Variants in FAM240A observed in about 807,000 individuals in gnomAD.
The protein encoded by FAM240A is family with sequence similarity 240 member A, also known as protein FAM240A.
FAM240A carries 8 observed loss-of-function variants against 7.3 expected under a neutral mutation model. The ratio of observed to expected loss-of-function variants is 1.09; its 90% CI spans 0.64 to 1.97. The LOEUF (loss-of-function observed/expected upper bound fraction) is 1.97, where lower values mean the gene tolerates loss of function less well. FAM240A is among the 30% of genes most tolerant of loss of function. The pLI, the probability that FAM240A is intolerant of heterozygous loss-of-function variation, is 0.00. For synonymous variants in FAM240A, 32 were observed against 35.9 expected, an observed-to-expected ratio of 0.89 and a Z score of 0.38; for missense variants, 90 against 102.2, an observed-to-expected ratio of 0.88 and a Z score of 0.52.
intron 1 of FAM240A, among the ~76,000 whole-genome samples, chr3:46,615,687 G>C (rs965213618): frequency 1.3e-5 from 2 of 152,168 alleles, no homozygotes; most frequent in Non-Finnish European, 2.9e-5. Context: ...TTCTGCAGGG[G>C]TTCCCACCAG....
chr3:46,615,731 C>T (rs983811646), intron 1 of FAM240A, among the ~76,000 whole-genome samples: 2 of 152,196 alleles, frequency 1.3e-5, no homozygotes, highest in African/African-American at 2.4e-5. Flanking sequence ...TGCTTTTGAG[C>T]TTTCTACTAT....
At chr3:46,624,550 G>A (rs934521408) in intron 2 of FAM240A, among the ~76,000 whole-genome samples, 2 of 152,090 alleles carry the variant, frequency 1.3e-5, no homozygotes, top group Admixed American at 6.6e-5. Flanking sequence ...GATTACAGGA[G>A]TGAGCCACTG....
At chr3:46,616,786 CT>C (rs1697634920) in intron 1 of FAM240A, among the ~76,000 whole-genome samples, 1 of 151,766 alleles carries the variant, frequency 6.6e-6, no homozygotes, top group Non-Finnish European at 1.5e-5. Flanking sequence ...GACTCCATAT[CT>C]TTGCAATTGT....
chr3:46,612,697 C>G lies in FAM240A; in HGVS notation c.14C>G (p.Ser5Cys). The change falls in exon 1 of 3, where the codon TCT becomes TGT. Residue 5 changes from serine (S) to cysteine (C), a missense_variant and splice_region_variant. Physicochemically the swap from Ser to Cys is moderately radical, Grantham distance 112 (BLOSUM62 -1). Transcript: ENST00000640551. ...TCACATCCCTTCATGCGGTTGTTCTCTGTAAGTGTTAATTAATTTGTTGAT... is the reference window on the plus strand; with the variant it reads ...TCACATCCCTTCATGCGGTTGTTCTGTGTAAGTGTTAATTAATTTGTTGAT... MRLF[S>C]GMNNQYTRRE... The G allele has an allele frequency of 6.5e-7, 1 of 1,535,060 alleles. No individual in the cohort carries two copies. Among genetic ancestry groups the G allele is most frequent in the Non-Finnish European group, 8.7e-7 (1 of 1,145,920 alleles).
intron 2 of FAM240A, among the ~76,000 whole-genome samples, chr3:46,618,555 A>G (rs771917226): frequency 1.3e-4 from 20 of 152,166 alleles, no homozygotes; most frequent in Non-Finnish European, 2.5e-4. Context: ...AAATATATAC[A>G]TGCGGCCGGG....
rs1446592979 is a variant in FAM240A, at chr3:46,625,121, T to G, written c.162-7T>G. On this transcript the variant is annotated splice_region_variant and splice_polypyrimidine_tract_variant and intron_variant, in intron 2 of 2. Coordinates refer to ENST00000640551, the MANE Select transcript of FAM240A (RefSeq NM_001195442.2). ...GCTCCATCTGTGTGTTTGGTTTCTA[T>G]TTTCAGGCTCAGAGAAGAATGGAAG... 7 of 1,533,136 alleles carry G rather than the reference T, an allele frequency of 4.6e-6. No individual in the cohort carries two copies. Among genetic ancestry groups the G allele is most frequent in the Non-Finnish European group, 6.1e-6 (7 of 1,144,538 alleles). The allele number at this position is 1,533,136 out of a possible 1,614,324, so 95.0% of individuals were successfully genotyped here.
At chr3:46,615,846 G>GCACACACACA (rs201281577) in intron 1 of FAM240A, among the ~76,000 whole-genome samples, 7 of 148,736 alleles carry the variant, frequency 4.7e-5, no homozygotes, top group South Asian at 2.2e-4. Flanking sequence ...CCACATGTGT[G>GCACACACACA]CACGCACACA....
Position 46,618,880 on chromosome 3 carries a change from TATAC to T in FAM240A, c.161+1554_161+1557del, listed in dbSNP as rs767191791. Among the ~76,000 whole-genome samples the T allele has an allele frequency of 6.9e-3, 574 of 83,058 alleles. 5 individuals carry two copies. The highest frequency in any genetic ancestry group is 8.9e-3 in the African/African-American group (227 of 25,382). The allele number at this position is 83,058 out of a possible 152,430, so 54.5% of individuals were successfully genotyped here. A position where few individuals can be genotyped will look rare whatever the true frequency, so the allele number is the denominator to read the frequency against. Reference sequence around the variant, plus strand: ...ATATATATATATGTATATATATATATATACACACACACACACACACACACACACA... The same window carrying T: ...ATATATATATATGTATATATATATATACACACACACACACACACACACACA... On this transcript the variant is annotated intron_variant, in intron 2 of 2. Transcript: ENST00000640551.
Position 46,626,064 on chromosome 3 carries a change from A to G in FAM240A, c.*846A>G, listed in dbSNP as rs1266798356. On this transcript the variant is annotated 3_prime_UTR_variant, in exon 3 of 3. Coordinates refer to ENST00000640551, the MANE Select transcript of FAM240A (RefSeq NM_001195442.2). ...GCAAACTGTAACTGGGCCTGAGGCA[A>G]TTATTTTAACCAAGGGAAGGGAGAA... 1.3e-5 allele frequency: 2 copies of G among 152,190 alleles called. No homozygotes were observed. Among genetic ancestry groups the G allele is most frequent in the Non-Finnish European group, 2.9e-5 (2 of 68,044 alleles). 9.4% of individuals were successfully genotyped at this position (152,190 alleles called of 1,614,324 possible).
chr3:46,617,381 C>T (rs867246143), intron 2 of FAM240A, 53 bp downstream of exon 2: 16 of 1,450,810 alleles, frequency 1.1e-5, no homozygotes, highest in Admixed American at 2.4e-5. Context: ...TAAAATACAT[C>T]GTATAATTTA....
At chr3:46,624,963 T>TTATATATATATATATATATA (rs10539495) in intron 2 of FAM240A, among the ~76,000 whole-genome samples, 165 bp from the exon 3 acceptor site, 12 of 146,626 alleles carry the variant, frequency 8.2e-5, no homozygotes, top group Admixed American at 4.1e-4. Flanking sequence ...TATGAATAAA[T>TTATATATATATATATATATA]TATATATATA....
intron 2 of FAM240A, among the ~76,000 whole-genome samples, chr3:46,620,314 A>G (rs749442593): frequency 1.0e-4 from 12 of 118,440 alleles, no homozygotes; most frequent in Non-Finnish European, 1.6e-4. Context: ...CCCCTCCCCC[A>G]TGACTCCAGG....
chr3:46,622,396 G>A (rs953924192), intron 2 of FAM240A, among the ~76,000 whole-genome samples: 56 of 152,120 alleles, frequency 3.7e-4, no homozygotes, highest in African/African-American at 1.2e-3. Context: ...GTGAGCCACC[G>A]CGCCCGGCTG....
chr3:46,619,155 A>G (rs1239636812), intron 2 of FAM240A, among the ~76,000 whole-genome samples: 1 of 152,128 alleles, frequency 6.6e-6, no homozygotes, highest in African/African-American at 2.4e-5. Flanking sequence ...AGGATCTAAT[A>G]GGGCAGCAGC....
chr3:46,612,725 T>A lies in FAM240A; in HGVS notation c.15+27T>A. ...TAAGTGTTAATTAATTTGTTGATTT[T>A]GTGAAGTAAAATTCCTAATGGTTAT... On this transcript the variant is annotated intron_variant, in intron 1 of 2. Coordinates refer to ENST00000640551, the MANE Select transcript of FAM240A (RefSeq NM_001195442.2). 3 of 1,525,786 alleles carry A rather than the reference T, an allele frequency of 2.0e-6. No homozygotes were observed. In the African/African-American group the frequency reaches 4.1e-5, roughly 21 times the overall value. 94.5% of individuals were successfully genotyped at this position (1,525,786 alleles called of 1,614,324 possible).
chr3:46,620,151 G>A (rs762710755), intron 2 of FAM240A, among the ~76,000 whole-genome samples: 1 of 151,398 alleles, frequency 6.6e-6, no homozygotes, highest in Non-Finnish European at 1.5e-5. Flanking sequence ...TCCTTGAATC[G>A]CCAGTCCTTC....
At chr3:46,615,471 C>T (rs1697617187) in intron 1 of FAM240A, among the ~76,000 whole-genome samples, 1 of 152,172 alleles carries the variant, frequency 6.6e-6, no homozygotes, top group Non-Finnish European at 1.5e-5. Flanking sequence ...GTCCTGGTCA[C>T]AGCATCGCTC....
At chr3:46,619,947 TAAG>T (rs1253974806) in intron 2 of FAM240A, among the ~76,000 whole-genome samples, 1 of 152,140 alleles carries the variant, frequency 6.6e-6, no homozygotes, top group African/African-American at 2.4e-5. Flanking sequence ...GAACATATAA[TAAG>T]AAGTGCTCAA....
intron 1 of FAM240A, among the ~76,000 whole-genome samples, chr3:46,616,648 A>G (rs1697631233): frequency 6.6e-6 from 1 of 151,580 alleles, no homozygotes. Flanking sequence ...GTTGCTGCAA[A>G]AGACATTATT....
Sources: allele counts gnomAD v4.1 joint callset (sites outside exome capture counted in the v4.1 genomes callset), GRCh38; gene constraint gnomAD v4.1.1; transcripts MANE v1.5; gene names NCBI Gene and HGNC (gene_info 2026-07-23, HGNC 2026-07-21).